Variants in ERCC6 observed in about 807,000 individuals in gnomAD.
ERCC6 encodes the protein ERCC excision repair 6, chromatin remodeling factor, also known as DNA excision repair protein ERCC-6.
In ERCC6, 116 loss-of-function variants were observed where a neutral mutation model predicts 158.7. The ratio of observed to expected loss-of-function variants is 0.73; its 90% CI spans 0.63 to 0.85. The LOEUF (loss-of-function observed/expected upper bound fraction) is 0.85, where lower values mean the gene tolerates loss of function less well. Among genes scored for constraint, ERCC6 ranks in the 40% least tolerant of loss-of-function variants. The pLI is 0.00. For synonymous variants in ERCC6, 678 were observed against 659.3 expected (o/e 1.03, Z -0.43); for missense variants, 1,698 against 1,799.4 (o/e 0.94, Z 1.02).
intron 5 of ERCC6, among the ~76,000 whole-genome samples, chr10:49,513,546 T>C (rs1386610616): frequency 6.6e-6 from 1 of 152,202 alleles, no homozygotes; most frequent in East Asian, 1.9e-4. Context: ...AGAGGTTTAA[T>C]TGACTCACAA....
At chr10:49,506,844 A>G (rs1400608255) in intron 5 of ERCC6, among the ~76,000 whole-genome samples, 3 of 151,932 alleles carry the variant, frequency 2.0e-5, no homozygotes, top group Non-Finnish European at 4.4e-5. Flanking sequence ...ATTCACTTTC[A>G]AAATAAAAAG....
At chr10:49,437,719 GT>G in the ERCC6 span, among the ~76,000 whole-genome samples, 4 of 152,170 alleles carry the variant, frequency 2.6e-5, no homozygotes, top group Admixed American at 2.0e-4. Context: ...CTGTTAGAAA[GT>G]TAACAACAGA....
chr10:49,533,378 AT>A (rs1362346435), intron 1 of ERCC6, among the ~76,000 whole-genome samples: 2 of 152,216 alleles, frequency 1.3e-5, no homozygotes, highest in Non-Finnish European at 2.9e-5. Flanking sequence ...ATCAACTGTA[AT>A]GCATAGGAAC....
In ERCC6 at chr10:49,458,658, T is replaced by C; in HGVS notation, c.*157A>G. On this transcript the variant is annotated 3_prime_UTR_variant, in exon 21 of 21. Coordinates refer to ENST00000355832, the MANE Select transcript of ERCC6 (RefSeq NM_000124.4). ...AAACTTTTAACTTTCAGAGAAGAGT[T>C]TCTTCTTCCTTAAAGTTTTAATTCT... 2.8e-6 allele frequency: 2 copies of C among 711,750 alleles called. No individual in the cohort carries two copies. Among genetic ancestry groups the C allele is most frequent in the Non-Finnish European group, 4.7e-6 (2 of 427,726 alleles). The allele number at this position is 711,750 out of a possible 1,614,324, so 44.1% of individuals were successfully genotyped here.
At chr10:49,442,552 C>T in the ERCC6 span, among the ~76,000 whole-genome samples, 8 of 152,318 alleles carry the variant, frequency 5.3e-5, no homozygotes, top group Middle Eastern at 3.4e-3. Flanking sequence ...TTTTTCCTGT[C>T]TTAAATTCAG....
At position 49,470,185 on chromosome 10, in the gene ERCC6, AT is replaced by A; in HGVS notation, c.3774del (p.Lys1258AsnfsTer9). 1 of 1,614,070 alleles carries A rather than the reference AT, an allele frequency of 6.2e-7. No individual in the cohort carries two copies. The highest frequency in any genetic ancestry group is 8.5e-7 in the Non-Finnish European group (1 of 1,179,932). On this transcript the variant is annotated frameshift_variant, in exon 18 of 21. Coordinates refer to ENST00000355832, the MANE Select transcript of ERCC6 (RefSeq NM_000124.4). LOFTEE classifies it high-confidence loss of function. ...DDYVLEKLFK[K>X]SVGVHSVMKH... The stretch of plus-strand genomic sequence containing the variant: ...GCAAACGTATCAAATGGATTACCTG[AT>A]TTTTTGAAAAGCTTTTCCAAAACAT...
chr10:49,448,486 A>G, the ERCC6 span, among the ~76,000 whole-genome samples: 6 of 152,204 alleles, frequency 3.9e-5, no homozygotes, highest in African/African-American at 1.4e-4. Flanking sequence ...CATTTATTTC[A>G]GTAGTACAAT....
At chr10:49,478,571 T>A (rs542685261) in intron 10 of ERCC6, 101 bp from the exon 11 acceptor site, 9 of 786,618 alleles carry the variant, frequency 1.1e-5, no homozygotes, top group Non-Finnish European at 2.0e-5. Flanking sequence ...AAAAAAAGAA[T>A]AACCAACAGC....
rs975395764 is a variant in ERCC6, at chr10:49,454,491, G to A, written c.*4324C>T. On this transcript the variant is annotated 3_prime_UTR_variant, in exon 21 of 21. Transcript: ENST00000355832. ...AAGATTTGGATTTTCTTGAATAAGCGTTACTTTATTCTACATGCTTTTAGG... is the reference window on the plus strand; with the variant it reads ...AAGATTTGGATTTTCTTGAATAAGCATTACTTTATTCTACATGCTTTTAGG... 5.3e-5 allele frequency among the ~76,000 whole-genome samples: 8 copies of A among 152,146 alleles called. No individual in the cohort carries two copies. The highest frequency in any genetic ancestry group is 2.1e-4 in the South Asian group (1 of 4,830).
At chr10:49,534,080 G>A (rs1189704108) in intron 1 of ERCC6, among the ~76,000 whole-genome samples, 5 of 123,908 alleles carry the variant, frequency 4.0e-5, no homozygotes. Flanking sequence ...GTTGCAGTGA[G>A]ATGAGATCTC....
chr10:49,452,199 T>C (rs1169486602), downstream of ERCC6, among the ~76,000 whole-genome samples: 2 of 151,930 alleles, frequency 1.3e-5, no homozygotes, highest in Non-Finnish European at 2.9e-5. Flanking sequence ...GAAGAAAGGT[T>C]ATTGCTTTAT....
chr10:49,521,010 G>A (rs1837144668), intron 5 of ERCC6, among the ~76,000 whole-genome samples: 1 of 152,164 alleles, frequency 6.6e-6, no homozygotes, highest in African/African-American at 2.4e-5. Flanking sequence ...TTCCCCAACA[G>A]TCTCTCCCAA....
chr10:49,440,243 G>C, the ERCC6 span, among the ~76,000 whole-genome samples: 1 of 152,220 alleles, frequency 6.6e-6, no homozygotes, highest in Non-Finnish European at 1.5e-5. Context: ...GGCTGGGCAG[G>C]CCTCAGAATC....
In ERCC6 at chr10:49,515,149, T is replaced by G. The variant is rs1836908081; in HGVS notation, c.1397+8884A>C. ...GTCTGAGGTTACAATTTTTTGAATTTTTGCATGAAATTCATATATGTTACC... is the reference window on the plus strand; with the variant it reads ...GTCTGAGGTTACAATTTTTTGAATTGTTGCATGAAATTCATATATGTTACC... On this transcript the variant is annotated intron_variant, in intron 5 of 20. Coordinates refer to ENST00000355832, the MANE Select transcript of ERCC6 (RefSeq NM_000124.4). The G allele has an allele frequency of 3.8e-6, 5 of 1,302,594 alleles. No individual in the cohort carries two copies. The South Asian group carries it at 1.2e-4, about 30-fold the overall frequency. The allele number at this position is 1,302,594 out of a possible 1,614,324, so 80.7% of individuals were successfully genotyped here.
At chr10:49,510,300 T>A (rs1851511590) in intron 5 of ERCC6, among the ~76,000 whole-genome samples, 1 of 152,134 alleles carries the variant, frequency 6.6e-6, no homozygotes, top group African/African-American at 2.4e-5. Flanking sequence ...ATTCCAAGGA[T>A]GTTCAAAATA....
At chr10:49,473,646 T>A in intron 13 of ERCC6, 59 bp from the exon 14 acceptor site, 1 of 948,046 alleles carries the variant, frequency 1.1e-6, no homozygotes, top group Non-Finnish European at 1.7e-6. Context: ...AGTGAGTGCT[T>A]CTCTATTTGT....
intron 8 of ERCC6, among the ~76,000 whole-genome samples, chr10:49,486,093 A>T (rs747474215): frequency 6.6e-6 from 1 of 152,226 alleles, no homozygotes; most frequent in Non-Finnish European, 1.5e-5. Context: ...GGATGCCACA[A>T]TAAGAAAAAA....
rs765142258 is a variant in ERCC6 at position 49,504,372 on chromosome 10, AACT to A, written c.1526+1509_1526+1511del. ...TTAAAAAACGAATATTATTTATATTAACTACTATAGAGTTTTGTTAATACACTG... is the reference window on the plus strand; with the variant it reads ...TTAAAAAACGAATATTATTTATATTAACTATAGAGTTTTGTTAATACACTG... On this transcript the variant is annotated intron_variant, in intron 6 of 20. Transcript: ENST00000355832. 2.0e-5 allele frequency: 3 copies of A among 152,178 alleles called. No homozygotes were observed. The South Asian group carries it at 6.2e-4, about 32-fold the overall frequency. The allele number at this position is 152,178 out of a possible 1,614,324, so 9.4% of individuals were successfully genotyped here. A position where few individuals can be genotyped will look rare whatever the true frequency, so the allele number is the denominator to read the frequency against.
intron 1 of ERCC6, among the ~76,000 whole-genome samples, chr10:49,538,725 G>A (rs1356922265): frequency 6.6e-6 from 1 of 152,206 alleles, no homozygotes; most frequent in Non-Finnish European, 1.5e-5. Context: ...TAGCTGGGTC[G>A]CTGGCCGGCC....
Sources: gnomAD v4.1 joint callset for allele counts (sites outside exome capture counted in the v4.1 genomes callset) on GRCh38, gnomAD v4.1.1 for gene constraint, MANE v1.5 for transcripts, NCBI Gene and HGNC (gene_info 2026-07-23, HGNC 2026-07-21) for gene names.